Variants in ACTR3 observed in about 807,000 individuals in gnomAD.
ACTR3 encodes the protein actin related protein 3.
ACTR3 carries 12 observed loss-of-function variants against 56.8 expected under a neutral mutation model. The observed-to-expected ratio is 0.21, with a 90% confidence interval of 0.14 to 0.34. The LOEUF (loss-of-function observed/expected upper bound fraction) is 0.34. Ranked by LOEUF, ACTR3 falls within the 10% of genes least tolerant of loss-of-function variation. The pLI, the probability that ACTR3 is intolerant of heterozygous loss-of-function variation, is 1.00. For missense variants in ACTR3, 282 were observed against 512.5 expected, an observed-to-expected ratio of 0.55 and a Z score of 4.34; for synonymous variants, 162 against 167.4, an observed-to-expected ratio of 0.97 and a Z score of 0.25.
rs1679052025 is a variant in ACTR3 at position 113,898,794 on chromosome 2, TGTACCAATCA to T, written c.44+8473_44+8482del. ...TATTAAAGATGTATTAAATGGGATG[TGTACCAATCA>T]GCCATTTCAAGGCCCTTTGCACGTT... On this transcript the variant is annotated intron_variant, in intron 1 of 11. Transcript: ENST00000263238. Among the ~76,000 whole-genome samples the T allele has an allele frequency of 3.3e-5, 5 of 152,326 alleles. No homozygotes were observed. The South Asian group carries it at 1.0e-3, about 32-fold the overall frequency.
intron 1 of ACTR3, among the ~76,000 whole-genome samples, chr2:113,912,101 C>T (rs1017561562): frequency 6.6e-6 from 1 of 152,118 alleles, no homozygotes; most frequent in Admixed American, 6.5e-5. Flanking sequence ...GTCTTGAACT[C>T]CTGACCTCAG....
intron 3 of ACTR3, among the ~76,000 whole-genome samples, chr2:113,924,055 T>TC (rs1491519892): frequency 8.8e-4 from 72 of 82,062 alleles, no homozygotes; most frequent in African/African-American, 6.7e-3. Context: ...CTTTTTTCTC[T>TC]TTTTTTTTTT....
chr2:113,941,250 A>C (rs1330543915), intron 7 of ACTR3, among the ~76,000 whole-genome samples: 1 of 152,234 alleles, frequency 6.6e-6, no homozygotes, highest in African/African-American at 2.4e-5. Flanking sequence ...ATAAAAAGTT[A>C]ATGTGAATAC....
intron 5 of ACTR3, chr2:113,933,871 G>A (rs550771630): frequency 7.9e-5 from 13 of 163,662 alleles, no homozygotes; most frequent in African/African-American, 2.6e-4. Context: ...TAGTAGAGAC[G>A]GGGTTTCCCC....
At chr2:113,891,898 T>C (rs1678909199) in intron 1 of ACTR3, among the ~76,000 whole-genome samples, 1 of 152,208 alleles carries the variant, frequency 6.6e-6, no homozygotes, top group South Asian at 2.1e-4. Flanking sequence ...ATTTTTTTTA[T>C]TTCTCCCTTC....
At chr2:113,913,522 G>A (rs1679346465) in intron 2 of ACTR3, among the ~76,000 whole-genome samples, 1 of 152,140 alleles carries the variant, frequency 6.6e-6, no homozygotes, top group Admixed American at 6.5e-5. Context: ...TTAACAGTAT[G>A]GGGGTATAAC....
chr2:113,907,976 C>T (rs12613905), intron 1 of ACTR3, among the ~76,000 whole-genome samples: 2 of 69,078 alleles, frequency 2.9e-5, no homozygotes, highest in Non-Finnish European at 5.8e-5. Context: ...CTCTGTCCCC[C>T]AAAAAAAAAA....
In ACTR3 at chr2:113,959,172, A is replaced by G. The variant is rs1680278091; in HGVS notation, c.*1717A>G. The G allele has an allele frequency of 6.6e-6, 1 of 152,016 alleles. No individual in the cohort carries two copies. Among genetic ancestry groups the G allele is most frequent in the Admixed American group, 6.6e-5 (1 of 15,264 alleles). 9.4% of individuals were successfully genotyped at this position (152,016 alleles called of 1,614,324 possible). A position where few individuals can be genotyped will look rare whatever the true frequency, so the allele number is the denominator to read the frequency against. On this transcript the variant is annotated 3_prime_UTR_variant, in exon 12 of 12. Transcript: ENST00000263238. ...CCCTAGCCTGTCTCATTTTTCCATC[A>G]TTACACAGACTACTTGGAATGTCTT...
intron 1 of ACTR3, among the ~76,000 whole-genome samples, chr2:113,906,799 G>A (rs1574354475): frequency 6.6e-6 from 1 of 151,928 alleles, no homozygotes; most frequent in South Asian, 2.1e-4. Context: ...TTATTTCTGG[G>A]CTCCTGATTC....
chr2:113,894,669 A>G (rs1310928949), intron 1 of ACTR3, among the ~76,000 whole-genome samples: 1 of 152,230 alleles, frequency 6.6e-6, no homozygotes, highest in East Asian at 1.9e-4. Context: ...GCTTATTGTA[A>G]AACACAGTTC....
intron 7 of ACTR3, among the ~76,000 whole-genome samples, chr2:113,941,390 A>T (rs188388431): frequency 2.6e-5 from 4 of 152,282 alleles, no homozygotes; most frequent in South Asian, 4.1e-4. Flanking sequence ...TTTCTTTGTC[A>T]TTCTCACTTC....
chr2:113,933,084 A>G (rs530717838), intron 5 of ACTR3, among the ~76,000 whole-genome samples: 1 of 152,146 alleles, frequency 6.6e-6, no homozygotes, highest in East Asian at 1.9e-4. Flanking sequence ...ATTGTGTTGT[A>G]TTGTCTGTAC....
chr2:113,960,519 C>G lies in ACTR3; in HGVS notation c.*3064C>G, dbSNP rs1183867784. Reference sequence around the variant, plus strand: ...AGAATATATCTATAGAAACTTCTTTCAGATAACCCTAAAGATGATACTAGA... The same window carrying G: ...AGAATATATCTATAGAAACTTCTTTGAGATAACCCTAAAGATGATACTAGA... On this transcript the variant is annotated 3_prime_UTR_variant, in exon 12 of 12. Coordinates refer to ENST00000263238, the MANE Select transcript of ACTR3 (RefSeq NM_005721.5). 1 of 151,904 alleles carries G rather than the reference C, an allele frequency of 6.6e-6. No individual in the cohort carries two copies. The highest frequency in any genetic ancestry group is 1.5e-5 in the Non-Finnish European group (1 of 67,888). 9.4% of individuals were successfully genotyped at this position (151,904 alleles called of 1,614,324 possible).
chr2:113,913,662 A>G (rs551612877), intron 2 of ACTR3, among the ~76,000 whole-genome samples: 1 of 152,312 alleles, frequency 6.6e-6, no homozygotes, highest in East Asian at 1.9e-4. Flanking sequence ...CAAAATATGG[A>G]TGGAAGGACA....
intron 1 of ACTR3, among the ~76,000 whole-genome samples, chr2:113,907,530 G>A (rs1279607658): frequency 6.6e-6 from 1 of 152,172 alleles, no homozygotes; most frequent in Non-Finnish European, 1.5e-5. Flanking sequence ...TGGGACTACA[G>A]GCGTGAGCCG....
chr2:113,955,530 TA>T lies in ACTR3; in HGVS notation c.1078-92del, dbSNP rs1250229979. 314 of 898,046 alleles carry T rather than the reference TA, an allele frequency of 3.5e-4. 5 individuals are homozygous for T. In the East Asian group the frequency reaches 8.3e-3, roughly 24 times the overall value. The allele number at this position is 898,046 out of a possible 1,614,324, so 55.6% of individuals were successfully genotyped here. A position where few individuals can be genotyped will look rare whatever the true frequency, so the allele number is the denominator to read the frequency against. On this transcript the variant is annotated intron_variant, in intron 10 of 11. Transcript: ENST00000263238. The stretch of plus-strand genomic sequence containing the variant: ...AGATACCACCTGAATTTAGTACAGA[TA>T]TTATTTTTGTATATGTACATTTAAG...
At chr2:113,897,518 ATTTTTTTTTT>A (rs58363370) in intron 1 of ACTR3, among the ~76,000 whole-genome samples, 5 of 98,908 alleles carry the variant, frequency 5.1e-5, no homozygotes, top group African/African-American at 6.0e-5. Context: ...GCCAGATGTT[ATTTTTTTTTT>A]TTTTTTTTTT....
chr2:113,932,033 C>G (rs1002987026), intron 5 of ACTR3, among the ~76,000 whole-genome samples: 1 of 152,104 alleles, frequency 6.6e-6, no homozygotes, highest in South Asian at 2.1e-4. Flanking sequence ...CTGGAAGGCA[C>G]TTTATTCATA....
chr2:113,937,228 C>T (rs1271247499), intron 6 of ACTR3, among the ~76,000 whole-genome samples: 1 of 152,092 alleles, frequency 6.6e-6, no homozygotes, highest in Non-Finnish European at 1.5e-5. Flanking sequence ...CTCAGCCTCC[C>T]GAGTAGCTGG....
Sources: allele counts gnomAD v4.1 joint callset (sites outside exome capture counted in the v4.1 genomes callset), GRCh38; gene constraint gnomAD v4.1.1; transcripts MANE v1.5; gene names NCBI Gene and HGNC (gene_info 2026-07-23, HGNC 2026-07-21).